COL28A1: variants seen among roughly 807,000 people sequenced by gnomAD.
COL28A1 encodes collagen type XXVIII alpha 1 chain, also known as collagen alpha-1(XXVIII) chain.
COL28A1 carries 161 observed loss-of-function variants against 150.2 expected under a neutral mutation model. The observed-to-expected ratio is 1.07, with a 90% confidence interval of 0.94 to 1.22. COL28A1 has a LOEUF of 1.22. Ranked by LOEUF, COL28A1 falls within the 50% of genes most tolerant of loss-of-function variation. The pLI is 0.00. For missense variants in COL28A1, 1,617 were observed against 1,388.3 expected (o/e 1.16, Z -2.62); for synonymous variants, 552 against 469.7 (o/e 1.18, Z -2.26).
At chr7:7,457,094 G>A (rs978887293) in intron 15 of COL28A1, among the ~76,000 whole-genome samples, 6 of 152,224 alleles carry the variant, frequency 3.9e-5, no homozygotes, top group African/African-American at 1.4e-4. Flanking sequence ...TGAAGTCAGA[G>A]AATTATGGCA....
chr7:7,422,577 C>CA (rs1329728759), intron 25 of COL28A1, among the ~76,000 whole-genome samples: 1 of 151,802 alleles, frequency 6.6e-6, no homozygotes, highest in African/African-American at 2.4e-5. Context: ...TGCAGTGAAC[C>CA]AAAACCACGC....
At chr7:7,482,173 A>C (rs1779362302) in intron 13 of COL28A1, among the ~76,000 whole-genome samples, 1 of 152,250 alleles carries the variant, frequency 6.6e-6, no homozygotes, top group Non-Finnish European at 1.5e-5. Context: ...AAGGACTTTC[A>C]GTAGAATCTT....
chr7:7,416,592 G>A (rs770734306), intron 27 of COL28A1, among the ~76,000 whole-genome samples: 2 of 152,198 alleles, frequency 1.3e-5, no homozygotes, highest in Non-Finnish European at 2.9e-5. Context: ...TGAGATTGGT[G>A]TTGTTTATGA....
the COL28A1 span, among the ~76,000 whole-genome samples, chr7:7,543,116 T>A: frequency 1.3e-5 from 2 of 152,240 alleles, no homozygotes; most frequent in Non-Finnish European, 2.9e-5. Context: ...TTCTCTATTA[T>A]AAATTCTATA....
chr7:7,407,366 T>A (rs975462719), intron 27 of COL28A1, among the ~76,000 whole-genome samples: 1 of 151,956 alleles, frequency 6.6e-6, no homozygotes, highest in South Asian at 2.1e-4. Flanking sequence ...TTAAACAAGA[T>A]AAATAAAAAG....
At chr7:7,501,593 C>A (rs995377987) in intron 11 of COL28A1, among the ~76,000 whole-genome samples, 3 of 152,192 alleles carry the variant, frequency 2.0e-5, no homozygotes, top group African/African-American at 7.2e-5. Flanking sequence ...ACCCAGTGTT[C>A]CACTGTGTTG....
At chr7:7,505,804 T>C (rs777310902) in intron 11 of COL28A1, among the ~76,000 whole-genome samples, 10 of 152,204 alleles carry the variant, frequency 6.6e-5, no homozygotes, top group Non-Finnish European at 1.3e-4. Flanking sequence ...ATATCCCTCT[T>C]TGAATAACAT....
rs1784873207 is a variant in COL28A1 at position 7,430,015 on chromosome 7, G to A, written c.1998+2458C>T. Among the ~76,000 whole-genome samples the A allele has an allele frequency of 2.0e-5, 3 of 152,304 alleles. No homozygotes were observed. The South Asian group carries it at 6.2e-4, about 32-fold the overall frequency. On this transcript the variant is annotated intron_variant, in intron 25 of 34. Coordinates refer to ENST00000399429, the MANE Select transcript of COL28A1 (RefSeq NM_001037763.3). Reference sequence around the variant, plus strand: ...TTTTTCCCCCTAAAATGTAGACGAAGGCAAATACAGGGGACTTTTGGAGGA... The same window carrying A: ...TTTTTCCCCCTAAAATGTAGACGAAAGCAAATACAGGGGACTTTTGGAGGA...
chr7:7,441,524 G>GAAA (rs55984344), intron 20 of COL28A1, among the ~76,000 whole-genome samples: 15 of 139,128 alleles, frequency 1.1e-4, no homozygotes, highest in South Asian at 9.1e-4. Flanking sequence ...CTCAACAAAC[G>GAAA]AAAAAAAAAA....
chr7:7,444,568 A>G, intron 18 of COL28A1, 79 bp from the exon 19 acceptor site: 2 of 1,392,576 alleles, frequency 1.4e-6, no homozygotes, highest in Admixed American at 2.0e-5. Flanking sequence ...TGTATCTTAC[A>G]GTGTCTGAGA....
chr7:7,504,251 C>A (rs1452892017), intron 11 of COL28A1, among the ~76,000 whole-genome samples: 1 of 152,122 alleles, frequency 6.6e-6, no homozygotes, highest in Non-Finnish European at 1.5e-5. Context: ...AGTCTCAACT[C>A]TTTGGGAGGC....
chr7:7,529,124 C>A (rs1223396514), intron 3 of COL28A1, among the ~76,000 whole-genome samples: 1 of 151,344 alleles, frequency 6.6e-6, no homozygotes, highest in African/African-American at 2.4e-5. Context: ...CATCTCTACT[C>A]AAAAATACAA....
chr7:7,412,839 C>A (rs1783863448), intron 27 of COL28A1, among the ~76,000 whole-genome samples: 1 of 151,962 alleles, frequency 6.6e-6, no homozygotes, highest in Non-Finnish European at 1.5e-5. Context: ...GCCTTATTAG[C>A]CCCATTTTAA....
In COL28A1 at chr7:7,517,828, G is replaced by A; in HGVS notation, c.823C>T (p.Gln275Ter). 1.2e-6 allele frequency: 2 copies of A among 1,613,650 alleles called. No homozygotes were observed. The highest frequency in any genetic ancestry group is 1.7e-6 in the Non-Finnish European group (2 of 1,179,708). The change falls in exon 7 of 35, where the codon CAA (glutamine) becomes TAA (stop). Residue 275 changes from glutamine (Q) to a stop codon, truncating the protein, a stop_gained. Coordinates refer to ENST00000399429, the MANE Select transcript of COL28A1 (RefSeq NM_001037763.3). LOFTEE classifies it high-confidence loss of function. Reference sequence around the variant, plus strand: ...CCTCTTTCTCCAGCTTCTCCTTTTTGAGCGTTGCCCTGTGACAAACAAAAA... The same window carrying A: ...CCTCTTTCTCCAGCTTCTCCTTTTTAAGCGTTGCCCTGTGACAAACAAAAA... The part of the protein sequence containing the change: ...RGPKGNPGNA[Q>*]KGEAGERGPG...
At chr7:7,535,062 T>C (rs1288170180) in intron 1 of COL28A1, among the ~76,000 whole-genome samples, 1 of 152,180 alleles carries the variant, frequency 6.6e-6, no homozygotes, top group Non-Finnish European at 1.5e-5. Flanking sequence ...TTAATAATTC[T>C]CACCTTTCTC....
the COL28A1 span, among the ~76,000 whole-genome samples, chr7:7,348,476 A>ACTCTCC: frequency 0.053 from 8,076 of 151,396 alleles, 722 homozygotes; most frequent in African/African-American, 0.19. Flanking sequence ...TCACTCGCTC[A>ACTCTCC]CTCTCCCTCT....
rs1471168747 is a variant in COL28A1, at chr7:7,499,831, A to C, written c.1026+6183T>G. On this transcript the variant is annotated intron_variant, in intron 11 of 34. Transcript: ENST00000399429. ...ACTAAGCTAATTTTGAGCCAAACCAAGTACTTAAATAATGACCAAAACAAT... is the reference window on the plus strand; with the variant it reads ...ACTAAGCTAATTTTGAGCCAAACCACGTACTTAAATAATGACCAAAACAAT... 2.0e-5 allele frequency among the ~76,000 whole-genome samples: 3 copies of C among 152,230 alleles called. No homozygotes were observed. In the East Asian group the frequency reaches 5.8e-4, roughly 29 times the overall value.
the COL28A1 span, among the ~76,000 whole-genome samples, chr7:7,339,016 T>G: frequency 1.3e-5 from 2 of 152,084 alleles, no homozygotes; most frequent in African/African-American, 2.4e-5. Context: ...AAACTCTGAG[T>G]AGGCTCATCC....
chr7:7,529,177 T>A (rs1324852063), intron 3 of COL28A1, among the ~76,000 whole-genome samples: 1 of 151,004 alleles, frequency 6.6e-6, no homozygotes, highest in Non-Finnish European at 1.5e-5. Flanking sequence ...TAATGCCAGC[T>A]ACTTGAGAAA....
Sources: allele counts gnomAD v4.1 joint callset (sites outside exome capture counted in the v4.1 genomes callset), GRCh38; gene constraint gnomAD v4.1.1; transcripts MANE v1.5; gene names NCBI Gene and HGNC (gene_info 2026-07-23, HGNC 2026-07-21).